METTL15: variants seen among roughly 807,000 people sequenced by gnomAD.
METTL15 encodes the protein 12S rRNA N(4)-cytidine methyltransferase METTL15.
A neutral mutation model predicts 38.3 loss-of-function variants in METTL15; 34 were observed. The ratio of observed to expected loss-of-function variants is 0.89; its 90% CI spans 0.68 to 1.18. METTL15 has a LOEUF of 1.18. Among genes scored for constraint, METTL15 ranks in the 50% most tolerant of loss-of-function variants. The pLI, the probability that METTL15 is intolerant of heterozygous loss-of-function variation, is 0.00. For missense variants in METTL15, 438 were observed against 498.4 expected (o/e 0.88, Z 1.15); for synonymous variants, 162 against 170.9 (o/e 0.95, Z 0.41).
At chr11:28,264,676 A>C (rs906706061) in intron 4 of METTL15, among the ~76,000 whole-genome samples, 19 of 152,112 alleles carry the variant, frequency 1.2e-4, no homozygotes, top group Admixed American at 3.9e-4. Flanking sequence ...CAATTTCCTT[A>C]CTATATTCCT....
chr11:28,277,460 G>T (rs1388587633), intron 4 of METTL15, among the ~76,000 whole-genome samples: 1 of 152,196 alleles, frequency 6.6e-6, no homozygotes, highest in Non-Finnish European at 1.5e-5. Context: ...CACTTTGGGA[G>T]GCCGAAGCGG....
intron 6 of METTL15, among the ~76,000 whole-genome samples, chr11:28,473,977 G>A (rs2133466611): frequency 6.6e-6 from 1 of 151,800 alleles, no homozygotes; most frequent in South Asian, 2.1e-4. Context: ...TCCTCTTCAT[G>A]CTTCTATTCT....
chr11:28,113,314 C>T lies in METTL15; in HGVS notation c.-17-4C>T, dbSNP rs1288715967. ...AACAATCATATTTTAATTTTTTTTT[C>T]TAGATTTGTTTACCTACAAAATGCT... On this transcript the variant is annotated splice_region_variant and splice_polypyrimidine_tract_variant and intron_variant, in intron 2 of 6. Coordinates refer to ENST00000407364, the MANE Select transcript of METTL15 (RefSeq NM_001113528.2). 4.3e-5 allele frequency: 63 copies of T among 1,481,064 alleles called. No homozygotes were observed. Among genetic ancestry groups the T allele is most frequent in the Admixed American group, 8.8e-5 (4 of 45,292 alleles). The allele number at this position is 1,481,064 out of a possible 1,614,324, so 91.7% of individuals were successfully genotyped here.
At chr11:28,199,114 G>T (rs1852013074) in intron 3 of METTL15, among the ~76,000 whole-genome samples, 2 of 151,958 alleles carry the variant, frequency 1.3e-5, no homozygotes, top group Non-Finnish European at 2.9e-5. Flanking sequence ...TTGTTTGGAG[G>T]CGCAATATTC....
intron 6 of METTL15, among the ~76,000 whole-genome samples, chr11:28,472,801 A>G (rs768160687): frequency 1.2e-4 from 18 of 152,210 alleles, no homozygotes; most frequent in Non-Finnish European, 2.6e-4. Context: ...TTTCATGTGG[A>G]TGAAAGAAAA....
intron 6 of METTL15, among the ~76,000 whole-genome samples, chr11:28,319,795 C>T (rs534784717): frequency 1.3e-5 from 2 of 152,220 alleles, no homozygotes; most frequent in African/African-American, 2.4e-5. Flanking sequence ...ATACAGTTAT[C>T]TTAAGAGCTT....
intron 3 of METTL15, among the ~76,000 whole-genome samples, chr11:28,172,026 T>C (rs1850877485): frequency 1.3e-5 from 2 of 152,034 alleles, no homozygotes; most frequent in Admixed American, 6.6e-5. Context: ...GCCTCAAACT[T>C]TTGGGCTCAA....
At chr11:28,305,647 C>T (rs1857057854) in intron 6 of METTL15, among the ~76,000 whole-genome samples, 1 of 152,110 alleles carries the variant, frequency 6.6e-6, no homozygotes, top group Non-Finnish European at 1.5e-5. Flanking sequence ...AGAATGCTGA[C>T]AGCTCAGTCT....
At chr11:28,469,322 C>T (rs1851284096) in intron 6 of METTL15, among the ~76,000 whole-genome samples, 1 of 152,106 alleles carries the variant, frequency 6.6e-6, no homozygotes, top group Non-Finnish European at 1.5e-5. Flanking sequence ...CAATGTAATG[C>T]ATTTATGCAT....
intron 4 of METTL15, among the ~76,000 whole-genome samples, chr11:28,254,127 A>G (rs1358255366): frequency 6.6e-6 from 1 of 152,124 alleles, no homozygotes; most frequent in East Asian, 1.9e-4. Flanking sequence ...TTTTCTCTAC[A>G]TTCTACCAGC....
intron 3 of METTL15, among the ~76,000 whole-genome samples, chr11:28,178,885 AT>A (rs999612973): frequency 6.6e-6 from 1 of 151,678 alleles, no homozygotes; most frequent in Non-Finnish European, 1.5e-5. Flanking sequence ...CAATTTGGTG[AT>A]TTTTTTGACA....
At chr11:28,348,040 C>T (rs189341043) in intron 3 of METTL15, among the ~76,000 whole-genome samples, 2 of 152,284 alleles carry the variant, frequency 1.3e-5, no homozygotes, top group Non-Finnish European at 2.9e-5. Flanking sequence ...CATTACCATC[C>T]TATGAGATTG....
chr11:28,518,872 G>A (rs966637138), intron 6 of METTL15, among the ~76,000 whole-genome samples: 2 of 152,190 alleles, frequency 1.3e-5, no homozygotes, highest in Non-Finnish European at 2.9e-5. Context: ...AGGCTATGGG[G>A]TGTCCATGGA....
At chr11:28,453,720 A>G (rs1459455862) in intron 6 of METTL15, among the ~76,000 whole-genome samples, 2 of 152,196 alleles carry the variant, frequency 1.3e-5, no homozygotes, top group African/African-American at 4.8e-5. Context: ...ATTCATGGGA[A>G]TGGTTTTTGG....
At chr11:28,262,409 A>G (rs1024010480) in intron 4 of METTL15, among the ~76,000 whole-genome samples, 2 of 151,210 alleles carry the variant, frequency 1.3e-5, no homozygotes, top group Admixed American at 6.6e-5. Context: ...TATTATATAT[A>G]TGCTATATAC....
intron 6 of METTL15, among the ~76,000 whole-genome samples, chr11:28,458,864 A>G (rs1851192139): frequency 6.6e-6 from 1 of 152,238 alleles, no homozygotes; most frequent in Non-Finnish European, 1.5e-5. Context: ...AAGAATGTCG[A>G]TTGGTAGAAT....
intron 3 of METTL15, among the ~76,000 whole-genome samples, chr11:28,204,120 C>T (rs1852218888): frequency 6.6e-6 from 1 of 152,024 alleles, no homozygotes; most frequent in Non-Finnish European, 1.5e-5. Flanking sequence ...CATTACTTAG[C>T]ACCTACTGTT....
At chr11:28,351,986 A>T in intron 3 of METTL15, 1 of 152,206 alleles carries the variant, frequency 6.6e-6, no homozygotes, top group Non-Finnish European at 1.5e-5. Context: ...CTGGCACTGT[A>T]GAAAAAAAAA....
intron 6 of METTL15, among the ~76,000 whole-genome samples, chr11:28,461,763 CAAGAG>C (rs916448824): frequency 5.3e-5 from 8 of 151,908 alleles, no homozygotes; most frequent in Admixed American, 2.6e-4. Flanking sequence ...TTATGGAGTA[CAAGAG>C]AAGATTTGTG....
Sources: gnomAD v4.1 joint callset for allele counts (sites outside exome capture counted in the v4.1 genomes callset) on GRCh38, gnomAD v4.1.1 for gene constraint, MANE v1.5 for transcripts, NCBI Gene and HGNC (gene_info 2026-07-23, HGNC 2026-07-21) for gene names.